The following RGS21 variants were observed in gnomAD, a reference collection of about 807,000 sequenced individuals.
RGS21 encodes regulator of G protein signaling 21.
RGS21 carries 19 observed loss-of-function variants against 18.7 expected under a neutral mutation model. The observed-to-expected ratio is 1.01, with a 90% CI of 0.71 to 1.49. The LOEUF (loss-of-function observed/expected upper bound fraction) is 1.49, where lower values mean the gene tolerates loss of function less well. Among genes scored for constraint, RGS21 ranks in the 40% most tolerant of loss-of-function variants. The pLI is 0.00. For missense variants in RGS21, 194 were observed against 176.8 expected, an observed-to-expected ratio of 1.10 and a Z score of -0.55; for synonymous variants, 56 against 57.8, an observed-to-expected ratio of 0.97 and a Z score of 0.14.
chr1:192,361,337 T>C (rs1165550768), intron 4 of RGS21, among the ~76,000 whole-genome samples: 1 of 152,084 alleles, frequency 6.6e-6, no homozygotes, highest in Non-Finnish European at 1.5e-5. Flanking sequence ...AATATATATA[T>C]GCTCTGCTTA....
intron 1 of RGS21, among the ~76,000 whole-genome samples, chr1:192,324,915 G>A (rs1301270838): frequency 2.0e-5 from 3 of 151,982 alleles, no homozygotes. Context: ...CTAAGAGAAG[G>A]CTGGAAAGGT....
chr1:192,360,073 G>A lies in RGS21; in HGVS notation c.256-5848G>A, dbSNP rs113996315. On this transcript the variant is annotated intron_variant, in intron 4 of 4. Coordinates refer to ENST00000417209, the MANE Select transcript of RGS21 (RefSeq NM_001039152.3). ...CATAATCCAAAATGTATTATAATGA[G>A]AAGAGACACTCCTCATCTATTTTCT... is the stretch of plus-strand genomic sequence containing the variant. Among the ~76,000 whole-genome samples the A allele has an allele frequency of 2.0e-3, 308 of 151,878 alleles. 1 individual carries two copies. Among genetic ancestry groups the A allele is most frequent in the African/African-American group, 7.2e-3 (297 of 41,464 alleles).
At chr1:192,341,810 G>A (rs1271895195) in intron 1 of RGS21, among the ~76,000 whole-genome samples, 1 of 143,028 alleles carries the variant, frequency 7.0e-6, no homozygotes, top group African/African-American at 2.6e-5. Context: ...TTTTGACAGT[G>A]TATTTTCCAA....
intron 1 of RGS21, among the ~76,000 whole-genome samples, chr1:192,318,228 T>C (rs1234992682): frequency 1.3e-5 from 2 of 152,136 alleles, no homozygotes; most frequent in East Asian, 3.8e-4. Context: ...CCTGTGAATT[T>C]GTTAAGGGGA....
intron 4 of RGS21, among the ~76,000 whole-genome samples, chr1:192,355,782 T>C (rs1659103280): frequency 6.6e-6 from 1 of 151,090 alleles, no homozygotes; most frequent in South Asian, 2.1e-4. Flanking sequence ...ATAATAATAT[T>C]TTCATATTCA....
chr1:192,330,826 A>C (rs887407717), intron 1 of RGS21, among the ~76,000 whole-genome samples: 6 of 152,210 alleles, frequency 3.9e-5, no homozygotes, highest in African/African-American at 1.2e-4. Flanking sequence ...TTCAGTGACT[A>C]CAAGTATAGT....
At chr1:192,356,938 T>C (rs1659119995) in intron 4 of RGS21, among the ~76,000 whole-genome samples, 1 of 151,788 alleles carries the variant, frequency 6.6e-6, no homozygotes, top group South Asian at 2.1e-4. Flanking sequence ...ACTTGAATAC[T>C]TACTATCTGC....
chr1:192,321,340 TA>T (rs1658496027), intron 1 of RGS21, among the ~76,000 whole-genome samples: 1 of 151,910 alleles, frequency 6.6e-6, no homozygotes, highest in Admixed American at 6.6e-5. Context: ...CTCAAGAATA[TA>T]AAATGATCTA....
At chr1:192,341,386 C>A (rs1658859307) in intron 1 of RGS21, among the ~76,000 whole-genome samples, 1 of 151,996 alleles carries the variant, frequency 6.6e-6, no homozygotes, top group Admixed American at 6.6e-5. Flanking sequence ...GATAATGGAG[C>A]CTAAACCCAC....
chr1:192,346,279 A>G (rs970772134), intron 2 of RGS21, among the ~76,000 whole-genome samples: 1 of 152,118 alleles, frequency 6.6e-6, no homozygotes, highest in African/African-American at 2.4e-5. Flanking sequence ...AAACTGCAGC[A>G]AATTACAGGA....
At chr1:192,347,138 C>A (rs1658958032) in intron 2 of RGS21, among the ~76,000 whole-genome samples, 175 bp from the exon 3 acceptor site, 1 of 152,032 alleles carries the variant, frequency 6.6e-6, no homozygotes, top group Non-Finnish European at 1.5e-5. Context: ...AAATTACATC[C>A]CACTTTATGT....
At chr1:192,327,332 A>G (rs1658582016) in intron 1 of RGS21, among the ~76,000 whole-genome samples, 1 of 152,318 alleles carries the variant, frequency 6.6e-6, no homozygotes, top group Admixed American at 6.5e-5. Flanking sequence ...AAAATATTCT[A>G]GCAACGAGTA....
At position 192,352,231 on chromosome 1, in the gene RGS21, G is replaced by A. The variant is rs774394873; in HGVS notation, c.255+18G>A. ...CTAAAGAGGTGAGTGAACTACTTCA[G>A]AACAGTGAAGAGTCATCCTGTAGCA... is the stretch of plus-strand genomic sequence containing the variant. On this transcript the variant is annotated intron_variant, in intron 4 of 4. Transcript: ENST00000417209. 8 of 1,571,482 alleles carry A rather than the reference G, an allele frequency of 5.1e-6. No individual in the cohort carries two copies. The Middle Eastern group carries it at 5.1e-4, about 100-fold the overall frequency.
chr1:192,336,236 C>T (rs1658765577), intron 1 of RGS21, among the ~76,000 whole-genome samples: 1 of 152,104 alleles, frequency 6.6e-6, no homozygotes. Context: ...GGGTGGATCA[C>T]CTGAGGTCAG....
At chr1:192,331,151 A>G (rs887458325) in intron 1 of RGS21, among the ~76,000 whole-genome samples, 1 of 152,212 alleles carries the variant, frequency 6.6e-6, no homozygotes, top group Non-Finnish European at 1.5e-5. Flanking sequence ...ATTCTTGTTA[A>G]TGTCCGGCTG....
At chr1:192,318,091 A>G (rs1658444393) in intron 1 of RGS21, among the ~76,000 whole-genome samples, 1 of 152,082 alleles carries the variant, frequency 6.6e-6, no homozygotes, top group African/African-American at 2.4e-5. Flanking sequence ...AAATATTAGT[A>G]AATATTAATA....
At chr1:192,317,482 C>A (rs761452516) in intron 1 of RGS21, among the ~76,000 whole-genome samples, 4 of 148,542 alleles carry the variant, frequency 2.7e-5, no homozygotes, top group Non-Finnish European at 5.9e-5. Context: ...TTTCTTATAT[C>A]CTTTTGGAAA....
At chr1:192,361,761 G>T (rs1377283950) in intron 4 of RGS21, among the ~76,000 whole-genome samples, 1 of 151,952 alleles carries the variant, frequency 6.6e-6, no homozygotes, top group Non-Finnish European at 1.5e-5. Context: ...GGATCTGGCT[G>T]GTCTTTAACT....
chr1:192,347,040 C>T (rs796168496), intron 2 of RGS21, among the ~76,000 whole-genome samples: 31 of 152,080 alleles, frequency 2.0e-4, no homozygotes, highest in African/African-American at 7.2e-4. Flanking sequence ...TCCACAGAAC[C>T]GATATCTTTT....
Sources: gnomAD v4.1 joint callset for allele counts (sites outside exome capture counted in the v4.1 genomes callset) on GRCh38, gnomAD v4.1.1 for gene constraint, MANE v1.5 for transcripts, NCBI Gene and HGNC (gene_info 2026-07-23, HGNC 2026-07-21) for gene names.